SGCZ: variants seen among roughly 807,000 people sequenced by gnomAD.
SGCZ encodes zeta-sarcoglycan.
In SGCZ, 40 loss-of-function variants were observed where a neutral mutation model predicts 41.3. The observed-to-expected ratio is 0.97, with a 90% CI of 0.75 to 1.26. The LOEUF (loss-of-function observed/expected upper bound fraction) is 1.26. Ranked by LOEUF, SGCZ falls within the 50% of genes most tolerant of loss-of-function variation. The probability of loss-of-function intolerance (pLI) is 0.00; values close to 1 mark genes in which losing one functional copy is unlikely to be tolerated. For missense variants in SGCZ, 552 were observed against 369.8 expected, an observed-to-expected ratio of 1.49 and a Z score of -4.04; for synonymous variants, 206 against 137.5, an observed-to-expected ratio of 1.50 and a Z score of -3.49.
chr8:15,225,042 TAGAA>T (rs1248447662), intron 1 of SGCZ, among the ~76,000 whole-genome samples: 1 of 151,996 alleles, frequency 6.6e-6, no homozygotes, highest in African/African-American at 2.4e-5. Context: ...ACAAACAAAA[TAGAA>T]AGATTATGAA....
chr8:14,783,020 G>C (rs184158471), intron 1 of SGCZ, among the ~76,000 whole-genome samples: 1 of 152,088 alleles, frequency 6.6e-6, no homozygotes, highest in African/African-American at 2.4e-5. Context: ...TATTTACTTG[G>C]AGTTGTATTA....
intron 1 of SGCZ, among the ~76,000 whole-genome samples, chr8:14,936,247 G>T (rs1456412425): frequency 6.6e-6 from 1 of 151,664 alleles, no homozygotes; most frequent in Non-Finnish European, 1.5e-5. Flanking sequence ...ACTTACAATG[G>T]GGTTACATTC....
At chr8:14,916,189 A>T (rs1363035555) in intron 1 of SGCZ, among the ~76,000 whole-genome samples, 1 of 152,208 alleles carries the variant, frequency 6.6e-6, no homozygotes, top group Admixed American at 6.6e-5. Flanking sequence ...GTAAGTAACA[A>T]ATAATCTGTG....
intron 2 of SGCZ, among the ~76,000 whole-genome samples, chr8:14,390,394 G>GA (rs1029644241): frequency 6.6e-6 from 1 of 151,476 alleles, no homozygotes; most frequent in African/African-American, 2.4e-5. Context: ...CAGTTCATAA[G>GA]AAAAAATCAT....
At chr8:14,925,486 A>C (rs564168027) in intron 1 of SGCZ, among the ~76,000 whole-genome samples, 34 of 152,330 alleles carry the variant, frequency 2.2e-4, no homozygotes, top group African/African-American at 7.9e-4. Flanking sequence ...ATTTATAACA[A>C]GATGCTTCTT....
intron 3 of SGCZ, among the ~76,000 whole-genome samples, chr8:14,295,364 T>C (rs1254103436): frequency 6.6e-6 from 1 of 152,200 alleles, no homozygotes; most frequent in Non-Finnish European, 1.5e-5. Context: ...ATTCTGCTTA[T>C]ATGATATTCT....
intron 1 of SGCZ, among the ~76,000 whole-genome samples, chr8:14,990,028 C>T (rs1213517641): frequency 2.0e-5 from 3 of 152,136 alleles, no homozygotes; most frequent in Admixed American, 6.6e-5. Flanking sequence ...TAATTGTAAG[C>T]ACTTTCCTTT....
intron 1 of SGCZ, among the ~76,000 whole-genome samples, chr8:14,780,308 G>C (rs969208684): frequency 6.7e-6 from 1 of 150,318 alleles, no homozygotes; most frequent in Non-Finnish European, 1.5e-5. Context: ...CCGGGGGGCA[G>C]AGCTTGCAGT....
rs1338760524 is a variant in SGCZ at position 14,086,858 on chromosome 8, C to G, written c.*3585G>C. ...TGCTAGTTCAGATATGGCTACTTAA[C>G]CTAAGATTTATGAGTGCTTCCTTAA... is the stretch of plus-strand genomic sequence containing the variant. On this transcript the variant is annotated 3_prime_UTR_variant, in exon 8 of 8. Transcript: ENST00000382080. Among the ~76,000 whole-genome samples, 2 of 151,554 alleles carry G rather than the reference C, an allele frequency of 1.3e-5. No homozygotes were observed. Among genetic ancestry groups the G allele is most frequent in the Admixed American group, 6.6e-5 (1 of 15,172 alleles).
At chr8:14,398,796 T>C (rs554593496) in intron 2 of SGCZ, among the ~76,000 whole-genome samples, 12 of 152,202 alleles carry the variant, frequency 7.9e-5, no homozygotes, top group African/African-American at 2.6e-4. Flanking sequence ...GGCTACCTGG[T>C]GTTGGTTAGA....
intron 2 of SGCZ, among the ~76,000 whole-genome samples, chr8:14,449,490 T>A (rs988169717): frequency 1.3e-5 from 2 of 152,186 alleles, no homozygotes; most frequent in African/African-American, 2.4e-5. Flanking sequence ...ATACACTTAA[T>A]GACATAATCA....
rs547117761 is a variant in SGCZ, at chr8:14,640,666, G to A, written c.40-85740C>T. Among the ~76,000 whole-genome samples the A allele has an allele frequency of 3.3e-5, 5 of 151,270 alleles. No homozygotes were observed. The South Asian group carries it at 1.0e-3, about 31-fold the overall frequency. The stretch of plus-strand genomic sequence containing the variant: ...TATATAGGGGTGTGTGTGTGTGTGT[G>A]TGTGTGTATATATTTGCTTTGTACT... On this transcript the variant is annotated intron_variant, in intron 1 of 7. Coordinates refer to ENST00000382080, the MANE Select transcript of SGCZ (RefSeq NM_139167.4).
At chr8:14,422,025 T>A (rs17301935) in intron 2 of SGCZ, among the ~76,000 whole-genome samples, 31,156 of 152,046 alleles carry the variant, frequency 0.2, 3,780 homozygotes, top group Non-Finnish European at 0.29. Context: ...ATGCAACTTA[T>A]ATGGGTTTAA....
intron 1 of SGCZ, among the ~76,000 whole-genome samples, chr8:15,100,746 G>T (rs560954091): frequency 6.6e-6 from 1 of 152,254 alleles, no homozygotes; most frequent in South Asian, 2.1e-4. Flanking sequence ...ATTTTGGGAG[G>T]CCAAACACGG....
In SGCZ at chr8:15,237,852, G is replaced by T. The variant is rs1802191653; in HGVS notation, c.-229C>A. ...TACTTCCTCAAAGATTTAGTGACAG[G>T]TGATCTCTACCGCGGTGCAACACAG... On this transcript the variant is annotated 5_prime_UTR_variant, in exon 1 of 8. Transcript: ENST00000382080. 1 of 513,422 alleles carries T rather than the reference G, an allele frequency of 1.9e-6. No homozygotes were observed. Among genetic ancestry groups the T allele is most frequent in the South Asian group, 2.8e-5 (1 of 36,338 alleles). The allele number at this position is 513,422 out of a possible 1,614,324, so 31.8% of individuals were successfully genotyped here.
intron 2 of SGCZ, among the ~76,000 whole-genome samples, chr8:14,435,736 T>C (rs771429903): frequency 2.0e-5 from 3 of 152,206 alleles, no homozygotes; most frequent in Non-Finnish European, 1.5e-5. Flanking sequence ...TTGAATATGA[T>C]TAATGAAATA....
intron 1 of SGCZ, among the ~76,000 whole-genome samples, chr8:14,608,755 C>A (rs958120746): frequency 6.6e-6 from 1 of 151,938 alleles, no homozygotes; most frequent in Admixed American, 6.6e-5. Context: ...CCAGGCCCCA[C>A]GTCCAACACT....
chr8:14,619,138 A>T (rs1028714258), intron 1 of SGCZ, among the ~76,000 whole-genome samples: 1 of 152,226 alleles, frequency 6.6e-6, no homozygotes, highest in Non-Finnish European at 1.5e-5. Flanking sequence ...GGTTCAACAT[A>T]TGCAAATCAA....
intron 1 of SGCZ, among the ~76,000 whole-genome samples, chr8:14,880,407 G>A (rs994883104): frequency 9.2e-5 from 14 of 152,174 alleles, no homozygotes; most frequent in Non-Finnish European, 1.9e-4. Flanking sequence ...ATTTCTCAGT[G>A]ATGTAGAACT....
Sources: gnomAD v4.1 joint callset for allele counts (sites outside exome capture counted in the v4.1 genomes callset) on GRCh38, gnomAD v4.1.1 for gene constraint, MANE v1.5 for transcripts, NCBI Gene and HGNC (gene_info 2026-07-23, HGNC 2026-07-21) for gene names.